Variants in TMEM229B observed in about 807,000 individuals in gnomAD.
The protein encoded by TMEM229B is chromosome 14 open reading frame 83.
In TMEM229B, 6 loss-of-function variants were observed where a neutral mutation model predicts 13.7. The observed-to-expected ratio is 0.44, with a 90% CI of 0.24 to 0.86. The LOEUF (loss-of-function observed/expected upper bound fraction) is 0.86. TMEM229B is among the 40% of genes least tolerant of loss of function. The pLI, the probability that TMEM229B is intolerant of heterozygous loss-of-function variation, is 0.23. For synonymous variants in TMEM229B, 107 were observed against 102.1 expected, an observed-to-expected ratio of 1.05 and a Z score of -0.29; for missense variants, 170 against 236.0, an observed-to-expected ratio of 0.72 and a Z score of 1.83.
At chr14:67,515,392 G>A (rs1410373278) in exon 1 of TMEM229B, 2 of 178,470 alleles carry the variant, frequency 1.1e-5, no homozygotes, top group Admixed American at 6.5e-5. Context: ...CCGCTGCCCG[G>A]GAGGAAAGGA....
At chr14:67,491,819 C>T (rs542493371), upstream of TMEM229B, among the ~76,000 whole-genome samples, 25 of 152,310 alleles carry the variant, frequency 1.6e-4, no homozygotes, top group African/African-American at 5.8e-4. Context: ...CAAAAGCAAT[C>T]AGTATTCCAG....
In TMEM229B at chr14:67,496,769, T is replaced by TCCTCCCTC. The variant is rs1178216578; in HGVS notation, c.-191-9605_-191-9598dup. On this transcript the variant is annotated intron_variant, in intron 1 of 2. Transcript: ENST00000357461. ...TTCCTTCCTTCCTCCCTCCCTCCCT[T>TCCTCCCTC]CCTCCCTCCCTCATTTCTGTCTTTC... is the stretch of plus-strand genomic sequence containing the variant. Among the ~76,000 whole-genome samples the TCCTCCCTC allele has an allele frequency of 4.9e-4, 56 of 115,302 alleles. No homozygotes were observed. The East Asian group carries it at 0.011, about 22-fold the overall frequency. 75.6% of individuals were successfully genotyped at this position (115,302 alleles called of 152,430 possible). A position where few individuals can be genotyped will look rare whatever the true frequency, so the allele number is the denominator to read the frequency against.
chr14:67,494,686 T>A (rs1161137986), intron 1 of TMEM229B, among the ~76,000 whole-genome samples: 1 of 152,196 alleles, frequency 6.6e-6, no homozygotes, highest in Non-Finnish European at 1.5e-5. Flanking sequence ...CGGTGATGGC[T>A]GGCTGTGGTG....
chr14:67,481,763 T>C (rs2031601072), intron 2 of TMEM229B, among the ~76,000 whole-genome samples: 1 of 152,148 alleles, frequency 6.6e-6, no homozygotes, highest in Admixed American at 6.5e-5. Context: ...CGACTCCCTA[T>C]ATCCTTAGGC....
chr14:67,515,368 G>A (rs1212538974), exon 1 of TMEM229B: 3 of 174,376 alleles, frequency 1.7e-5, no homozygotes, highest in African/African-American at 7.2e-5. Context: ...GCGGGGTCCG[G>A]GGGGCTGCAG....
intron 1 of TMEM229B, among the ~76,000 whole-genome samples, chr14:67,496,570 GAGA>G (rs980009003): frequency 4.2e-4 from 64 of 152,026 alleles, no homozygotes; most frequent in African/African-American, 1.5e-3. Flanking sequence ...GCTGCTGGAA[GAGA>G]AGTAGACGTG....
intron 1 of TMEM229B, among the ~76,000 whole-genome samples, chr14:67,512,537 G>C (rs1359224697): frequency 6.6e-6 from 1 of 152,180 alleles, no homozygotes; most frequent in Non-Finnish European, 1.5e-5. Context: ...TAGGGAGATG[G>C]GGGAGGAGAA....
At chr14:67,528,818 A>G (rs1202330590) in intron 1 of TMEM229B, among the ~76,000 whole-genome samples, 1 of 152,230 alleles carries the variant, frequency 6.6e-6, no homozygotes, top group Non-Finnish European at 1.5e-5. Context: ...AGGGCATACC[A>G]GTCAATACAG....
rs2030679346 is a variant in TMEM229B at position 67,470,995 on chromosome 14, T to C, written c.*2425A>G. ...CAAGAATTGAAGTCTGGGCTATCCC[T>C]GGTGAGATCTGAACCTGTAGATCCC... On this transcript the variant is annotated 3_prime_UTR_variant, in exon 3 of 3. Transcript: ENST00000554480. The C allele has an allele frequency of 1.3e-5, 2 of 152,224 alleles. No individual in the cohort carries two copies. The highest frequency in any genetic ancestry group is 1.5e-5 in the Non-Finnish European group (1 of 68,054). 9.4% of individuals were successfully genotyped at this position (152,224 alleles called of 1,614,324 possible). A position where few individuals can be genotyped will look rare whatever the true frequency, so the allele number is the denominator to read the frequency against.
At chr14:67,484,585 G>A (rs1043821496) in intron 2 of TMEM229B, among the ~76,000 whole-genome samples, 2 of 152,002 alleles carry the variant, frequency 1.3e-5, no homozygotes, top group Non-Finnish European at 2.9e-5. Flanking sequence ...GTAGTCATCC[G>A]GATTCAATTT....
intron 1 of TMEM229B, among the ~76,000 whole-genome samples, chr14:67,526,997 G>A (rs1029843778): frequency 6.6e-6 from 1 of 152,190 alleles, no homozygotes; most frequent in African/African-American, 2.4e-5. Context: ...AAGCCACTAG[G>A]GGCAGGGCAG....
chr14:67,500,398 C>T (rs1267849777), intron 1 of TMEM229B, among the ~76,000 whole-genome samples: 1 of 151,704 alleles, frequency 6.6e-6, no homozygotes, highest in Non-Finnish European at 1.5e-5. Flanking sequence ...CTCTTGAACC[C>T]GAGAGGCAGA....
Position 67,470,310 on chromosome 14 carries a change from A to G in TMEM229B, c.*3110T>C, listed in dbSNP as rs2030617506. ...GTATATTTTATGTGCACAAATGTGA[A>G]AAGGAAGAGACAGAGGGACCAACGG... On this transcript the variant is annotated 3_prime_UTR_variant, in exon 3 of 3. Coordinates refer to ENST00000554480, the MANE Select transcript of TMEM229B (RefSeq NM_001348543.2). 1 of 152,292 alleles carries G rather than the reference A, an allele frequency of 6.6e-6. No individual in the cohort carries two copies. The highest frequency in any genetic ancestry group is 2.1e-4 in the South Asian group (1 of 4,832). The allele number at this position is 152,292 out of a possible 1,614,324, so 9.4% of individuals were successfully genotyped here. A position where few individuals can be genotyped will look rare whatever the true frequency, so the allele number is the denominator to read the frequency against.
At chr14:67,524,713 C>T (rs959268455) in intron 1 of TMEM229B, among the ~76,000 whole-genome samples, 4 of 152,148 alleles carry the variant, frequency 2.6e-5, no homozygotes, top group Non-Finnish European at 5.9e-5. Context: ...GGACAACCGC[C>T]AAACCACAAG....
In TMEM229B at chr14:67,488,661, A is replaced by C. The variant is rs1449709763; in HGVS notation, c.-345T>G. 3 of 152,338 alleles carry C rather than the reference A, an allele frequency of 2.0e-5. No individual in the cohort carries two copies. The highest frequency in any genetic ancestry group is 6.5e-5 in the Admixed American group (1 of 15,290). The allele number at this position is 152,338 out of a possible 1,614,324, so 9.4% of individuals were successfully genotyped here. A position where few individuals can be genotyped will look rare whatever the true frequency, so the allele number is the denominator to read the frequency against. On this transcript the variant is annotated 5_prime_UTR_variant, in exon 1 of 3. Transcript: ENST00000554480. ...CCATGTGCCTGGGGAGTTCAATCCC[A>C]CCTGTGGAGACTTCTCCCCACCCTA...
intron 2 of TMEM229B, among the ~76,000 whole-genome samples, chr14:67,476,456 ATG>A (rs1284962188): frequency 3.3e-5 from 5 of 152,080 alleles, no homozygotes; most frequent in African/African-American, 9.7e-5. Flanking sequence ...GTGTGGTGGC[ATG>A]CACCTGTAGT....
rs142962535 is a variant in TMEM229B at position 67,474,494 on chromosome 14, ACTT to A, written c.-18-556_-18-554del. On this transcript the variant is annotated intron_variant, in intron 2 of 2. Transcript: ENST00000554480. ...CACTGGGGACCCCATTTCTTCCTCC[ACTT>A]CTTCTCAAACAGTTCCATGTCACTC... 2.7e-3 allele frequency among the ~76,000 whole-genome samples: 416 copies of A among 152,196 alleles called. 2 individuals are homozygous for A. Among genetic ancestry groups the A allele is most frequent in the Non-Finnish European group, 4.2e-3 (283 of 68,016 alleles).
At chr14:67,530,461 A>G (rs2033427665) in intron 1 of TMEM229B, among the ~76,000 whole-genome samples, 1 of 151,978 alleles carries the variant, frequency 6.6e-6, no homozygotes, top group African/African-American at 2.4e-5. Flanking sequence ...TGTAATATTG[A>G]CTCTGTAGGA....
chr14:67,488,262 G>A (rs1379251771), intron 1 of TMEM229B, among the ~76,000 whole-genome samples: 2 of 152,250 alleles, frequency 1.3e-5, no homozygotes, highest in African/African-American at 2.4e-5. Context: ...AGTAGAGGCC[G>A]CTTGGGCCCT....
Sources: allele counts gnomAD v4.1 joint callset (sites outside exome capture counted in the v4.1 genomes callset), GRCh38; gene constraint gnomAD v4.1.1; transcripts MANE v1.5; gene names NCBI Gene and HGNC (gene_info 2026-07-23, HGNC 2026-07-21).